CTNND2: variants seen among roughly 807,000 people sequenced by gnomAD.
The protein encoded by CTNND2 is catenin delta 2, also known as catenin delta-2.
A neutral mutation model predicts 144.4 loss-of-function variants in CTNND2; 22 were observed. The observed-to-expected ratio is 0.15, with a 90% CI of 0.11 to 0.22. The LOEUF (loss-of-function observed/expected upper bound fraction) is 0.22. Ranked by LOEUF, CTNND2 falls within the 10% of genes least tolerant of loss-of-function variation. The pLI is 1.00. For missense variants in CTNND2, 1,353 were observed against 1,618.8 expected (o/e 0.84, Z 2.82); for synonymous variants, 751 against 695.6 (o/e 1.08, Z -1.25).
chr5:10,984,233 T>A (rs953160877), intron 20 of CTNND2, among the ~76,000 whole-genome samples: 1 of 152,202 alleles, frequency 6.6e-6, no homozygotes, highest in African/African-American at 2.4e-5. Flanking sequence ...TACCTCCGTA[T>A]GTATCCTCAG....
chr5:11,781,764 T>C (rs1035163075), intron 1 of CTNND2, among the ~76,000 whole-genome samples: 2 of 152,224 alleles, frequency 1.3e-5, no homozygotes, highest in Non-Finnish European at 2.9e-5. Flanking sequence ...CACTGAATTA[T>C]ACTCAAGTGC....
intron 3 of CTNND2, among the ~76,000 whole-genome samples, chr5:11,438,077 T>C (rs1040693126): frequency 2.6e-5 from 4 of 152,108 alleles, no homozygotes; most frequent in East Asian, 1.9e-4. Flanking sequence ...AGAGTCTTCG[T>C]TGGGAAGAAA....
chr5:11,606,843 C>T (rs944184228), intron 2 of CTNND2, among the ~76,000 whole-genome samples: 21 of 152,192 alleles, frequency 1.4e-4, no homozygotes, highest in East Asian at 3.9e-4. Flanking sequence ...CAGGAGATTA[C>T]ACCTTGTTAT....
intron 5 of CTNND2, among the ~76,000 whole-genome samples, chr5:11,409,490 C>T (rs866920205): frequency 3.9e-4 from 60 of 152,146 alleles, no homozygotes; most frequent in Middle Eastern, 3.4e-3. Flanking sequence ...ATTCATGAGA[C>T]GTGCATTCAA....
At position 11,004,770 on chromosome 5, in the gene CTNND2, C is replaced by CAA. The variant is rs56261802; in HGVS notation, c.3085-12095_3085-12094dup. Among the ~76,000 whole-genome samples, 484 of 88,672 alleles carry CAA rather than the reference C, an allele frequency of 5.5e-3. 4 individuals are homozygous for CAA. Among genetic ancestry groups the CAA allele is most frequent in the African/African-American group, 0.015 (367 of 24,466 alleles). 58.2% of individuals were successfully genotyped at this position (88,672 alleles called of 152,430 possible). On this transcript the variant is annotated intron_variant, in intron 18 of 21. Transcript: ENST00000304623. ...GCAACAAGAGTGAAACTCCTTCTCA[C>CAA]AAAAAAAAAAAAAAAAAAAAGAAAA...
At chr5:11,323,253 T>G (rs1373608901) in intron 9 of CTNND2, among the ~76,000 whole-genome samples, 1 of 148,426 alleles carries the variant, frequency 6.7e-6, no homozygotes, top group Non-Finnish European at 1.5e-5. Flanking sequence ...TCTCACTATA[T>G]TGCCCAGGCT....
intron 1 of CTNND2, among the ~76,000 whole-genome samples, chr5:11,817,981 G>GTTTTTT (rs35360011): frequency 2.5e-4 from 8 of 31,870 alleles, no homozygotes; most frequent in African/African-American, 5.0e-4. Context: ...ATTATGAGGT[G>GTTTTTT]TTTTTTTTTT....
intron 6 of CTNND2, among the ~76,000 whole-genome samples, chr5:11,387,241 T>TA (rs33928349): frequency 0.32 from 46,851 of 146,340 alleles, 8,294 homozygotes; most frequent in African/African-American, 0.5. Flanking sequence ...TTTTCAGCAT[T>TA]AAAAAAAAAA....
chr5:11,436,410 A>T (rs548426103), intron 3 of CTNND2, among the ~76,000 whole-genome samples: 3 of 152,314 alleles, frequency 2.0e-5, no homozygotes, highest in East Asian at 3.9e-4. Context: ...TAAGGTCACA[A>T]CTTACAAATT....
intron 7 of CTNND2, among the ~76,000 whole-genome samples, chr5:11,374,778 T>TA (rs1757767079): frequency 1.7e-5 from 1 of 58,548 alleles, no homozygotes; most frequent in Non-Finnish European, 3.0e-5. Flanking sequence ...CAATCTACTT[T>TA]TTTTTTTTTT....
chr5:11,842,436 T>C (rs1318776186), intron 1 of CTNND2, among the ~76,000 whole-genome samples: 1 of 152,088 alleles, frequency 6.6e-6, no homozygotes, highest in Non-Finnish European at 1.5e-5. Context: ...TCCTTAGATA[T>C]GGGCCGGGCG....
At chr5:11,814,875 G>A (rs1447426599) in intron 1 of CTNND2, among the ~76,000 whole-genome samples, 3 of 152,180 alleles carry the variant, frequency 2.0e-5, no homozygotes, top group Non-Finnish European at 4.4e-5. Flanking sequence ...AGAGAACTGA[G>A]TTGATATTTC....
intron 20 of CTNND2, among the ~76,000 whole-genome samples, chr5:10,983,106 T>C (rs1737505266): frequency 6.6e-6 from 1 of 151,946 alleles, no homozygotes; most frequent in Non-Finnish European, 1.5e-5. Context: ...AGGGCAACCA[T>C]AATTCACAGT....
intron 9 of CTNND2, among the ~76,000 whole-genome samples, chr5:11,332,236 T>C (rs947638210): frequency 2.7e-5 from 4 of 149,186 alleles, no homozygotes; most frequent in East Asian, 2.0e-4. Flanking sequence ...GATCGCGCCA[T>C]TGCACTCCAC....
chr5:11,606,641 CA>C (rs1247768174), intron 2 of CTNND2, among the ~76,000 whole-genome samples: 22 of 152,258 alleles, frequency 1.4e-4, no homozygotes, highest in Non-Finnish European at 2.8e-4. Context: ...CACAAGTTTG[CA>C]ACTGAATGAA....
At chr5:11,366,745 A>C (rs1757021557) in intron 7 of CTNND2, among the ~76,000 whole-genome samples, 1 of 152,164 alleles carries the variant, frequency 6.6e-6, no homozygotes, top group Non-Finnish European at 1.5e-5. Flanking sequence ...TCACTGGTAC[A>C]TTTAGAATTG....
intron 2 of CTNND2, among the ~76,000 whole-genome samples, chr5:11,566,645 G>C (rs1056676626): frequency 1.3e-5 from 2 of 152,164 alleles, no homozygotes; most frequent in Non-Finnish European, 2.9e-5. Flanking sequence ...TTGATTTGCT[G>C]CCCACTTTCC....
chr5:11,824,930 T>C (rs1793520993), intron 1 of CTNND2, among the ~76,000 whole-genome samples: 1 of 152,116 alleles, frequency 6.6e-6, no homozygotes, highest in Non-Finnish European at 1.5e-5. Flanking sequence ...TGCATCACTG[T>C]ACACATCTGA....
At chr5:11,742,071 G>A (rs1788049504) in intron 1 of CTNND2, among the ~76,000 whole-genome samples, 1 of 151,858 alleles carries the variant, frequency 6.6e-6, no homozygotes, top group South Asian at 2.1e-4. Flanking sequence ...GAGGGGGTGA[G>A]GGATAAAAGA....
Sources: gnomAD v4.1 joint callset for allele counts (sites outside exome capture counted in the v4.1 genomes callset) on GRCh38, gnomAD v4.1.1 for gene constraint, MANE v1.5 for transcripts, NCBI Gene and HGNC (gene_info 2026-07-23, HGNC 2026-07-21) for gene names.